LRRC7: variants seen among roughly 807,000 people sequenced by gnomAD.
LRRC7 encodes leucine rich repeat containing 7, also known as leucine-rich repeat-containing protein 7.
A neutral mutation model predicts 175.7 loss-of-function variants in LRRC7; 23 were observed. The observed-to-expected ratio is 0.13, with a 90% CI of 0.09 to 0.19. LRRC7 has a LOEUF of 0.19. LRRC7 is among the 10% of genes least tolerant of loss of function. The pLI, the probability that LRRC7 is intolerant of heterozygous loss-of-function variation, is 1.00. For missense variants in LRRC7, 1,354 were observed against 1,904.7 expected, an observed-to-expected ratio of 0.71 and a Z score of 5.38; for synonymous variants, 685 against 680.9, an observed-to-expected ratio of 1.01 and a Z score of -0.09.
chr1:70,067,848 A>G (rs1662094359), intron 23 of LRRC7, among the ~76,000 whole-genome samples: 1 of 152,044 alleles, frequency 6.6e-6, no homozygotes, highest in Non-Finnish European at 1.5e-5. Context: ...CTTAATTTGT[A>G]CCTAAGTATT....
intron 7 of LRRC7, among the ~76,000 whole-genome samples, chr1:69,882,546 T>C (rs1686726456): frequency 6.6e-6 from 1 of 151,914 alleles, no homozygotes; most frequent in African/African-American, 2.4e-5. Flanking sequence ...ATAAATATCA[T>C]TTAGCCTTAA....
intron 23 of LRRC7, among the ~76,000 whole-genome samples, chr1:70,058,120 G>A (rs1167393404): frequency 1.3e-5 from 2 of 150,724 alleles, no homozygotes; most frequent in East Asian, 2.0e-4. Flanking sequence ...AGTGATTCGC[G>A]CGCCTCACCC....
At chr1:69,819,152 C>T (rs1387845757) in intron 4 of LRRC7, among the ~76,000 whole-genome samples, 1 of 151,930 alleles carries the variant, frequency 6.6e-6, no homozygotes, top group East Asian at 1.9e-4. Context: ...GTAAAGTTAG[C>T]TTGTTTATTT....
chr1:69,759,134 A>G (rs185030368), intron 2 of LRRC7, among the ~76,000 whole-genome samples: 14 of 152,116 alleles, frequency 9.2e-5, no homozygotes, highest in Admixed American at 8.5e-4. Flanking sequence ...CTAGGAAGAC[A>G]TTCACAGAGA....
At chr1:70,008,995 G>A (rs541210721) in intron 11 of LRRC7, among the ~76,000 whole-genome samples, 30 of 152,238 alleles carry the variant, frequency 2.0e-4, no homozygotes, top group South Asian at 6.2e-4. Flanking sequence ...AGTTTGTTGG[G>A]AGACTGGTGT....
At chr1:69,596,480 A>G (rs1437179718) in intron 1 of LRRC7, among the ~76,000 whole-genome samples, 4 of 152,312 alleles carry the variant, frequency 2.6e-5, no homozygotes, top group Non-Finnish European at 4.4e-5. Context: ...ACATAATAAC[A>G]TGCTCTAAAT....
At chr1:69,947,226 C>T (rs1366886441) in intron 8 of LRRC7, among the ~76,000 whole-genome samples, 1 of 151,896 alleles carries the variant, frequency 6.6e-6, no homozygotes, top group Admixed American at 6.6e-5. Context: ...TGTGTTGTCT[C>T]ATTGGAGAGT....
rs1571400531 is a variant in LRRC7 at position 70,132,403 on chromosome 1, A to T, written c.*10516A>T. On this transcript the variant is annotated 3_prime_UTR_variant, in exon 27 of 27. Coordinates refer to ENST00000651989, the MANE Select transcript of LRRC7 (RefSeq NM_001370785.2). ...ACTTCTCAGAACAAGGAAAAAAGTT[A>T]TCTCATTTTTAAAAATTACCAGAGT... 1 of 150,114 alleles carries T rather than the reference A, an allele frequency of 6.7e-6. No individual in the cohort carries two copies. Among genetic ancestry groups the T allele is most frequent in the Non-Finnish European group, 1.5e-5 (1 of 67,790 alleles). 9.3% of individuals were successfully genotyped at this position (150,114 alleles called of 1,614,324 possible).
chr1:69,801,223 G>GC (rs1676445020), intron 4 of LRRC7, among the ~76,000 whole-genome samples: 1 of 151,762 alleles, frequency 6.6e-6, no homozygotes, highest in African/African-American at 2.4e-5. Context: ...GATAATACTT[G>GC]CTTTCTAGAA....
At chr1:69,665,511 A>G (rs1249267557) in intron 1 of LRRC7, among the ~76,000 whole-genome samples, 2 of 151,966 alleles carry the variant, frequency 1.3e-5, no homozygotes. Context: ...TTAATGTTTT[A>G]TAGTTTTCAT....
chr1:69,603,917 T>C (rs887817784), intron 1 of LRRC7, among the ~76,000 whole-genome samples: 3 of 152,114 alleles, frequency 2.0e-5, no homozygotes, highest in Non-Finnish European at 4.4e-5. Flanking sequence ...TTTGATACAT[T>C]TGTGATATTA....
chr1:69,845,946 C>T (rs1041929208), intron 7 of LRRC7, among the ~76,000 whole-genome samples: 1 of 152,090 alleles, frequency 6.6e-6, no homozygotes, highest in Non-Finnish European at 1.5e-5. Flanking sequence ...GTACCATCCT[C>T]TTCAGGATTA....
At chr1:69,662,426 A>G (rs1346655747) in intron 1 of LRRC7, among the ~76,000 whole-genome samples, 1 of 152,192 alleles carries the variant, frequency 6.6e-6, no homozygotes, top group Non-Finnish European at 1.5e-5. Flanking sequence ...CTATTTTCCT[A>G]AATGCGTGAC....
intron 26 of LRRC7, among the ~76,000 whole-genome samples, chr1:70,115,034 T>A (rs1006315880): frequency 2.0e-5 from 3 of 152,030 alleles, no homozygotes; most frequent in Non-Finnish European, 4.4e-5. Context: ...GTCAACAAAA[T>A]AACAAGCAGA....
At chr1:70,009,528 C>T (rs773640819) in intron 11 of LRRC7, among the ~76,000 whole-genome samples, 1 of 151,892 alleles carries the variant, frequency 6.6e-6, no homozygotes, top group South Asian at 2.1e-4. Flanking sequence ...ACAAATTTAA[C>T]CGGTTTACTG....
chr1:69,764,189 G>A (rs567194237), intron 3 of LRRC7, among the ~76,000 whole-genome samples: 5 of 151,952 alleles, frequency 3.3e-5, no homozygotes, highest in African/African-American at 4.8e-5. Flanking sequence ...AGAAATCCAC[G>A]CAGCTTATAA....
intron 3 of LRRC7, among the ~76,000 whole-genome samples, chr1:69,781,784 AGAAAG>A (rs1673673026): frequency 3.0e-5 from 2 of 67,136 alleles, no homozygotes; most frequent in African/African-American, 1.4e-4. Context: ...AAAGAAAGAA[AGAAAG>A]GAAGGAAGGA....
chr1:70,028,403 G>T (rs772113278), intron 18 of LRRC7, 32 bp downstream of exon 18: 1 of 1,587,360 alleles, frequency 6.3e-7, no homozygotes, highest in South Asian at 1.1e-5. Flanking sequence ...TTGCCAGTGT[G>T]GTTTGGATTT....
intron 17 of LRRC7, among the ~76,000 whole-genome samples, chr1:70,025,398 G>A (rs1657983348): frequency 6.6e-6 from 1 of 151,760 alleles, no homozygotes; most frequent in Admixed American, 6.6e-5. Context: ...TTAAATAACT[G>A]TTGCTATGTA....
Sources: allele counts gnomAD v4.1 joint callset (sites outside exome capture counted in the v4.1 genomes callset), GRCh38; gene constraint gnomAD v4.1.1; transcripts MANE v1.5; gene names NCBI Gene and HGNC (gene_info 2026-07-23, HGNC 2026-07-21).